SEMA3A: variants seen among roughly 807,000 people sequenced by gnomAD.
SEMA3A encodes the protein semaphorin-3A.
Under a neutral mutation model 97.9 loss-of-function variants are expected in SEMA3A, and 29 were observed. The ratio of observed to expected loss-of-function variants is 0.30; its 90% CI spans 0.22 to 0.40. The LOEUF (loss-of-function observed/expected upper bound fraction) is 0.40. Among genes scored for constraint, SEMA3A ranks in the 10% least tolerant of loss-of-function variants. The pLI, the probability that SEMA3A is intolerant of heterozygous loss-of-function variation, is 1.00. For missense variants in SEMA3A, 763 were observed against 951.3 expected (o/e 0.80, Z 2.60); for synonymous variants, 321 against 323.7 (o/e 0.99, Z 0.09).
chr7:84,231,726 A>G (rs1385332178), intron 3 of SEMA3A, among the ~76,000 whole-genome samples: 1 of 151,452 alleles, frequency 6.6e-6, no homozygotes, highest in Admixed American at 6.6e-5. Flanking sequence ...ATAAATTAGC[A>G]CCCTGAGGAC....
chr7:84,354,325 CTT>C (rs1318641255), intron 2 of SEMA3A, among the ~76,000 whole-genome samples: 1 of 151,434 alleles, frequency 6.6e-6, no homozygotes, highest in African/African-American at 2.4e-5. Context: ...TGCATTTACT[CTT>C]AATAAAAAAA....
chr7:84,019,055 A>G (rs1045912965), intron 6 of SEMA3A, among the ~76,000 whole-genome samples: 1 of 152,196 alleles, frequency 6.6e-6, no homozygotes, highest in African/African-American at 2.4e-5. Flanking sequence ...GGTAGTGAAG[A>G]TAGAGAAAGG....
intron 3 of SEMA3A, among the ~76,000 whole-genome samples, chr7:84,259,981 C>T (rs557450819): frequency 3.2e-4 from 49 of 152,248 alleles, no homozygotes; most frequent in African/African-American, 1.1e-3. Context: ...TTTGATGCTT[C>T]GTGTCAGGTG....
At chr7:84,209,683 A>G (rs1373173068) in intron 3 of SEMA3A, among the ~76,000 whole-genome samples, 1 of 152,224 alleles carries the variant, frequency 6.6e-6, no homozygotes, top group Admixed American at 6.5e-5. Context: ...TCTTCATGTA[A>G]AACTGTAATT....
intron 4 of SEMA3A, among the ~76,000 whole-genome samples, chr7:84,099,658 T>A (rs1371416780): frequency 6.6e-6 from 1 of 152,206 alleles, no homozygotes; most frequent in Non-Finnish European, 1.5e-5. Context: ...ACGCTTTTTT[T>A]AATGAGGAGT....
At chr7:84,117,838 C>T (rs945816423) in intron 3 of SEMA3A, among the ~76,000 whole-genome samples, 7 of 152,166 alleles carry the variant, frequency 4.6e-5, no homozygotes, top group Non-Finnish European at 7.3e-5. Flanking sequence ...AAGAAAGTTA[C>T]TTAGAATCTC....
chr7:84,232,240 T>A (rs1443479703), intron 3 of SEMA3A, among the ~76,000 whole-genome samples: 1 of 148,084 alleles, frequency 6.8e-6, no homozygotes, highest in African/African-American at 2.4e-5. Context: ...AAATTATATA[T>A]ATATTTATAT....
At chr7:84,426,117 T>G (rs1298512987) in intron 1 of SEMA3A, among the ~76,000 whole-genome samples, 2 of 151,874 alleles carry the variant, frequency 1.3e-5, no homozygotes, top group Admixed American at 6.6e-5. Flanking sequence ...AAACTACATA[T>G]TGGGTAAAAT....
intron 1 of SEMA3A, among the ~76,000 whole-genome samples, chr7:84,165,379 CTA>C (rs1449599514): frequency 1.3e-5 from 2 of 151,860 alleles, no homozygotes; most frequent in Non-Finnish European, 2.9e-5. Context: ...ATCATTATAA[CTA>C]TGTAATTATA....
At chr7:84,406,354 A>G (rs924101959) in intron 1 of SEMA3A, among the ~76,000 whole-genome samples, 1 of 152,206 alleles carries the variant, frequency 6.6e-6, no homozygotes, top group African/African-American at 2.4e-5. Context: ...ACCAGGAAGA[A>G]GCTGAATCTC....
chr7:84,369,156 A>G (rs767943514), intron 2 of SEMA3A, among the ~76,000 whole-genome samples: 5 of 151,116 alleles, frequency 3.3e-5, no homozygotes, highest in Non-Finnish European at 7.4e-5. Context: ...GAGTCCAGGC[A>G]AAACTTCAAA....
intron 13 of SEMA3A, among the ~76,000 whole-genome samples, chr7:83,985,199 AATG>A: frequency 6.6e-6 from 1 of 152,280 alleles, no homozygotes; most frequent in South Asian, 2.1e-4. Context: ...TATAACAAAT[AATG>A]ATCCATAAAA....
intron 1 of SEMA3A, among the ~76,000 whole-genome samples, chr7:84,374,069 A>G (rs1373985157): frequency 6.6e-6 from 1 of 152,190 alleles, no homozygotes; most frequent in Non-Finnish European, 1.5e-5. Context: ...AGAGGAATGG[A>G]TTTCAGGCAG....
chr7:84,310,586 T>A (rs1274380155), intron 2 of SEMA3A, among the ~76,000 whole-genome samples: 1 of 152,024 alleles, frequency 6.6e-6, no homozygotes, highest in African/African-American at 2.4e-5. Context: ...CTCCTGGAAA[T>A]TCTAAAGGAG....
intron 1 of SEMA3A, among the ~76,000 whole-genome samples, chr7:84,191,027 A>G (rs960519213): frequency 6.6e-6 from 1 of 150,880 alleles, no homozygotes; most frequent in African/African-American, 2.4e-5. Context: ...TAAAGGAAAG[A>G]CAAGAAGTTT....
chr7:84,255,959 C>T (rs970426516), intron 3 of SEMA3A, among the ~76,000 whole-genome samples: 4 of 150,340 alleles, frequency 2.7e-5, no homozygotes, highest in Non-Finnish European at 1.5e-5. Flanking sequence ...TAATCCTTTC[C>T]CCAAGCACAA....
At chr7:84,316,471 A>G (rs936841791) in intron 2 of SEMA3A, among the ~76,000 whole-genome samples, 3 of 152,150 alleles carry the variant, frequency 2.0e-5, no homozygotes, top group Non-Finnish European at 2.9e-5. Context: ...ACTTACAAAT[A>G]TACAAAAAAC....
chr7:83,964,217 G>A (rs1474126938), intron 15 of SEMA3A, among the ~76,000 whole-genome samples: 1 of 152,024 alleles, frequency 6.6e-6, no homozygotes, highest in Non-Finnish European at 1.5e-5. Context: ...CTCATTTAGA[G>A]AACAAAACTC....
intron 3 of SEMA3A, among the ~76,000 whole-genome samples, chr7:84,232,576 G>C (rs1382887530): frequency 6.6e-6 from 1 of 151,424 alleles, no homozygotes; most frequent in Non-Finnish European, 1.5e-5. Context: ...CTATCCTTTT[G>C]GTTTTAATTA....
Sources: gnomAD v4.1 joint callset for allele counts (sites outside exome capture counted in the v4.1 genomes callset) on GRCh38, gnomAD v4.1.1 for gene constraint, MANE v1.5 for transcripts, NCBI Gene and HGNC (gene_info 2026-07-23, HGNC 2026-07-21) for gene names.